Variants in RFLNA observed in about 807,000 individuals in gnomAD.
RFLNA encodes refilin A.
A neutral mutation model predicts 7.8 loss-of-function variants in RFLNA; 5 were observed. That is an observed-to-expected ratio of 0.64 (90% CI 0.34 to 1.35). RFLNA has a LOEUF of 1.35. RFLNA is among the 40% of genes most tolerant of loss of function. The probability of loss-of-function intolerance (pLI) is 0.04; values close to 1 mark genes in which losing one functional copy is unlikely to be tolerated. For missense variants in RFLNA, 278 were observed against 305.5 expected, an observed-to-expected ratio of 0.91 and a Z score of 0.67; for synonymous variants, 141 against 131.3, an observed-to-expected ratio of 1.07 and a Z score of -0.50.
chr12:124,313,311 T>C (rs1451597796), intron 2 of RFLNA, among the ~76,000 whole-genome samples: 1 of 152,166 alleles, frequency 6.6e-6, no homozygotes, highest in Non-Finnish European at 1.5e-5. Flanking sequence ...AACTGGGGGA[T>C]ACTAGTCGGT....
chr12:124,300,490 G>A (rs546486534), intron 1 of RFLNA, among the ~76,000 whole-genome samples: 1 of 152,310 alleles, frequency 6.6e-6, no homozygotes. Flanking sequence ...TCTGCTTCTT[G>A]TCTGTGATGG....
intron 1 of RFLNA, among the ~76,000 whole-genome samples, chr12:124,296,140 TC>T (rs1239534260): frequency 2.2e-3 from 1 of 448 alleles, no homozygotes; most frequent in Non-Finnish European, 0.017. Context: ...CTCTCTCTCT[TC>T]TTCTCTTCTC....
chr12:124,300,468 G>A (rs915685883), intron 1 of RFLNA, among the ~76,000 whole-genome samples: 1 of 152,234 alleles, frequency 6.6e-6, no homozygotes, highest in Non-Finnish European at 1.5e-5. Context: ...GGGACTCTTG[G>A]ATTTTCTCAT....
chr12:124,314,238 A>G lies in RFLNA; in HGVS notation c.364A>G (p.Lys122Glu), dbSNP rs754653351. ...CGCCTCGGAGAAGCATTTCCAGGACAAGGTCTTCTATGCGCCCGTACCCAC... is the reference window on the plus strand; with the variant it reads ...CGCCTCGGAGAAGCATTTCCAGGACGAGGTCTTCTATGCGCCCGTACCCAC... ...KYASEKHFQD[K>E]VFYAPVPTVT... Residue 122 changes from lysine (K) to glutamate (E), a missense_variant, in exon 3 of 3, where the codon AAG becomes GAG. Lys to Glu is a moderately conservative substitution (Grantham distance 56, BLOSUM62 1). Coordinates refer to ENST00000546355, the MANE Select transcript of RFLNA (RefSeq NM_001365156.1). The G allele has an allele frequency of 3.7e-6, 6 of 1,613,488 alleles. No homozygotes were observed. Among genetic ancestry groups the G allele is most frequent in the Non-Finnish European group, 5.1e-6 (6 of 1,179,926 alleles).
chr12:124,300,893 AGGAT>A (rs1446489303), intron 1 of RFLNA, among the ~76,000 whole-genome samples: 1 of 142,484 alleles, frequency 7.0e-6, no homozygotes, highest in Non-Finnish European at 1.5e-5. Flanking sequence ...GGCAAATAGA[AGGAT>A]GGATGGATGG....
upstream of RFLNA, among the ~76,000 whole-genome samples, chr12:124,292,348 C>G (rs186491754): frequency 1.3e-5 from 2 of 152,192 alleles, no homozygotes; most frequent in African/African-American, 4.8e-5. Flanking sequence ...GCTCCTCAGG[C>G]CTCACATTTC....
intron 2 of RFLNA, among the ~76,000 whole-genome samples, chr12:124,313,548 G>T (rs1451580675): frequency 1.3e-5 from 2 of 152,136 alleles, no homozygotes; most frequent in East Asian, 3.9e-4. Context: ...GCATGGTGGC[G>T]GGCGCCTGTA....
chr12:124,289,824 G>A lies in RFLNA; in HGVS notation c.-37+454G>A, dbSNP rs1389602063. Among the ~76,000 whole-genome samples, 3 of 152,194 alleles carry A rather than the reference G, an allele frequency of 2.0e-5. No individual in the cohort carries two copies. The East Asian group carries it at 5.8e-4, about 29-fold the overall frequency. On this transcript the variant is annotated intron_variant, in intron 1 of 2. Transcript: ENST00000324038. This position sits in a 1 kb window ranked among gnomAD's most constrained non-coding sequence, Gnocchi z 5.0. ...GGTGAGACAGGCCACCGGGGAACAT[G>A]CGACTCCCCGGGGCAGGGAGGCATC...
chr12:124,289,529 G>A lies in RFLNA; in HGVS notation c.-37+159G>A, dbSNP rs1016216971. Among the ~76,000 whole-genome samples, 1 of 152,228 alleles carries A rather than the reference G, an allele frequency of 6.6e-6. No individual in the cohort carries two copies. The highest frequency in any genetic ancestry group is 6.5e-5 in the Admixed American group (1 of 15,280). On this transcript the variant is annotated intron_variant, in intron 1 of 2. Transcript: ENST00000324038. The surrounding 1 kb of genome is among the most constrained non-coding windows in gnomAD (Gnocchi z 5.0). ...GGACACGCACATACAAATGGCAGCA[G>A]AACGTATGCCCAGGTCAAAGGCACT...
At chr12:124,305,836 C>T (rs1410602608) in intron 1 of RFLNA, among the ~76,000 whole-genome samples, 1 of 152,084 alleles carries the variant, frequency 6.6e-6, no homozygotes, top group Non-Finnish European at 1.5e-5. Flanking sequence ...GGCTGTTGTT[C>T]AGCATGCCAC....
intron 1 of RFLNA, among the ~76,000 whole-genome samples, chr12:124,309,693 G>A (rs892677225): frequency 2.0e-5 from 3 of 152,212 alleles, no homozygotes; most frequent in Non-Finnish European, 4.4e-5. Context: ...GAGTGGCCTT[G>A]CCAGGCCCCC....
intron 1 of RFLNA, among the ~76,000 whole-genome samples, chr12:124,307,606 A>G (rs557651767): frequency 2.0e-5 from 3 of 152,282 alleles, no homozygotes; most frequent in South Asian, 2.1e-4. Context: ...CCTGATCAAG[A>G]TGGGAGGAGG....
At chr12:124,296,003 A>T (rs951389560) in intron 1 of RFLNA, among the ~76,000 whole-genome samples, 3 of 151,504 alleles carry the variant, frequency 2.0e-5, no homozygotes, top group Non-Finnish European at 2.9e-5. Context: ...TGTTGCAGAC[A>T]TCTGGACCCG....
intron 2 of RFLNA, 40 bp downstream of exon 2, chr12:124,311,967 G>A: frequency 6.8e-7 from 1 of 1,476,086 alleles, no homozygotes; most frequent in Non-Finnish European, 9.1e-7. Context: ...GGAGGGGGTG[G>A]GGGGTTGGGT....
intron 2 of RFLNA, 32 bp from the exon 3 acceptor site, chr12:124,314,160 G>C (rs1465968677): frequency 3.8e-6 from 6 of 1,589,516 alleles, no homozygotes; most frequent in Non-Finnish European, 5.1e-6. Context: ...CCCAATCCTG[G>C]GTTCACTCCG....
intron 1 of RFLNA, among the ~76,000 whole-genome samples, chr12:124,301,429 G>A (rs2034036393): frequency 6.6e-6 from 1 of 152,206 alleles, no homozygotes; most frequent in Non-Finnish European, 1.5e-5. Context: ...GACAGACTGG[G>A]GGCAGCTTTC....
chr12:124,305,176 G>T (rs1250434128), intron 1 of RFLNA, among the ~76,000 whole-genome samples: 1 of 152,222 alleles, frequency 6.6e-6, no homozygotes, highest in Non-Finnish European at 1.5e-5. Context: ...GGTTAGAAGG[G>T]TGTGAGCTAT....
At chr12:124,313,865 A>G (rs2034298745) in intron 2 of RFLNA, among the ~76,000 whole-genome samples, 1 of 152,178 alleles carries the variant, frequency 6.6e-6, no homozygotes. Flanking sequence ...GGAAGTGCAC[A>G]CGGTGACGCC....
chr12:124,301,390 G>A (rs2034035717), intron 1 of RFLNA, among the ~76,000 whole-genome samples: 1 of 152,208 alleles, frequency 6.6e-6, no homozygotes, highest in South Asian at 2.1e-4. Context: ...GGAAACAAGG[G>A]AGCCACCTGC....
Sources: gnomAD v4.1 joint callset for allele counts (sites outside exome capture counted in the v4.1 genomes callset) on GRCh38, gnomAD v4.1.1 for gene constraint, Gnocchi (gnomAD v3.1) non-coding constraint, MANE v1.5 for transcripts, NCBI Gene and HGNC (gene_info 2026-07-23, HGNC 2026-07-21) for gene names.